FOXA3: variants seen among roughly 807,000 people sequenced by gnomAD.
FOXA3 encodes the protein forkhead box A3.
FOXA3 carries 11 observed loss-of-function variants against 16.9 expected under a neutral mutation model. The ratio of observed to expected loss-of-function variants is 0.65; its 90% confidence interval spans 0.41 to 1.08. The LOEUF is 1.08. Among genes scored for constraint, FOXA3 ranks in the 50% least tolerant of loss-of-function variants. The pLI is 0.00. For synonymous variants in FOXA3, 217 were observed against 203.3 expected, an observed-to-expected ratio of 1.07 and a Z score of -0.57; for missense variants, 423 against 470.1, an observed-to-expected ratio of 0.90 and a Z score of 0.93.
chr19:45,864,724 C>G (rs779930021), intron 1 of FOXA3, among the ~76,000 whole-genome samples, 199 bp downstream of exon 1: 1 of 152,090 alleles, frequency 6.6e-6, no homozygotes, highest in African/African-American at 2.4e-5. Context: ...TTTGGGCAGC[C>G]TCGCCGCGGC....
chr19:45,864,611 C>A, intron 1 of FOXA3, 86 bp downstream of exon 1: 3 of 1,125,268 alleles, frequency 2.7e-6, no homozygotes, highest in Admixed American at 3.4e-5. Flanking sequence ...GTTGTGGGTT[C>A]AAATGGAGGC....
chr19:45,868,146 T>C (rs1167186484), intron 1 of FOXA3, among the ~76,000 whole-genome samples: 11 of 151,868 alleles, frequency 7.2e-5, no homozygotes, highest in Non-Finnish European at 1.0e-4. Context: ...AAGAGTTCCT[T>C]GGAGAGACAT....
intron 1 of FOXA3, 49 bp downstream of exon 1, chr19:45,864,574 G>C (rs374426074): frequency 5.6e-6 from 8 of 1,437,462 alleles, no homozygotes; most frequent in Non-Finnish European, 6.5e-6. Flanking sequence ...AGGTATCGGG[G>C]TGTGGGCTCA....
chr19:45,871,619 A>G (rs945082509), intron 1 of FOXA3, among the ~76,000 whole-genome samples: 6 of 151,056 alleles, frequency 4.0e-5, no homozygotes, highest in Non-Finnish European at 7.4e-5. Flanking sequence ...CTGTAATCCC[A>G]GCTGCTCTGG....
rs1265780159 is a variant in FOXA3, at chr19:45,872,311, G to A, written c.306G>A (p.Gly102=). 6.2e-7 allele frequency: 1 copy of A among 1,613,996 alleles called. No homozygotes were observed. The highest frequency in any genetic ancestry group is 1.3e-5 in the African/African-American group (1 of 74,938). The part of the protein sequence containing the change: ...YGAPGPGLVH[G]KEMPKGYRRP... ...CCCCGGGTCCTGGGCTGGTGCACGG[G>A]AAGGAGATGCCGAAGGGGTATCGGC... is the stretch of plus-strand genomic sequence containing the variant. Residue 102 remains glycine (G), a synonymous_variant, in exon 2 of 2, where the codon GGG becomes GGA. Transcript: ENST00000302177. This position sits in a 1 kb window ranked among gnomAD's most constrained non-coding sequence, Gnocchi z 4.5.
Position 45,872,991 on chromosome 19 carries a change from C to T in FOXA3, c.986C>T (p.Ala329Val). ...GACGTGGGGTTTGGGGGCTACGGGGCTGAAGGTGGGGAGCCTGGAGTCTAC... is the reference window on the plus strand; with the variant it reads ...GACGTGGGGTTTGGGGGCTACGGGGTTGAAGGTGGGGAGCCTGGAGTCTAC... ...KLDVGFGGYGAEGGEPGVYYQ... is the reference protein window; with the variant it reads ...KLDVGFGGYGVEGGEPGVYYQ... The change falls in exon 2 of 2, where the codon GCT becomes GTT. Residue 329 changes from alanine (A) to valine (V), a missense_variant. Ala to Val is a moderately conservative substitution (Grantham distance 64). This residue lies in a region of FOXA3 where 168 missense variants were observed against 179.3 expected (regional missense o/e 0.94). Transcript: ENST00000302177. The surrounding 1 kb of genome is among the most constrained non-coding windows in gnomAD (Gnocchi z 4.5). 6.2e-7 allele frequency: 1 copy of T among 1,613,570 alleles called. No homozygotes were observed. Among genetic ancestry groups the T allele is most frequent in the South Asian group, 1.1e-5 (1 of 90,948 alleles).
intron 1 of FOXA3, among the ~76,000 whole-genome samples, chr19:45,869,727 A>C (rs1199691976): frequency 1.3e-5 from 2 of 152,210 alleles, no homozygotes; most frequent in African/African-American, 4.8e-5. Flanking sequence ...TATTAGGTTG[A>C]AAAGTGATTT....
At chr19:45,870,462 C>T (rs888181793) in intron 1 of FOXA3, among the ~76,000 whole-genome samples, 3 of 151,714 alleles carry the variant, frequency 2.0e-5, no homozygotes, top group African/African-American at 7.3e-5. Flanking sequence ...TGTGAGCCAC[C>T]GTGCCCGGCC....
intron 1 of FOXA3, among the ~76,000 whole-genome samples, chr19:45,868,221 A>G (rs1972104195): frequency 6.6e-6 from 1 of 151,772 alleles, no homozygotes; most frequent in Non-Finnish European, 1.5e-5. Context: ...GGTTGCCTCC[A>G]CTCTCTGATT....
chr19:45,864,573 G>T (rs536220649), intron 1 of FOXA3, 48 bp downstream of exon 1: 4 of 1,440,862 alleles, frequency 2.8e-6, no homozygotes, highest in Non-Finnish European at 3.7e-6. Flanking sequence ...CAGGTATCGG[G>T]GTGTGGGCTC....
chr19:45,866,165 A>T (rs889762518), intron 1 of FOXA3, among the ~76,000 whole-genome samples: 2 of 152,100 alleles, frequency 1.3e-5, no homozygotes, highest in African/African-American at 4.8e-5. Flanking sequence ...TAATCCCAGC[A>T]CTTTGGGAGG....
In FOXA3 at chr19:45,872,392, C is replaced by A. The variant is rs1426720148; in HGVS notation, c.387C>A (p.Ala129=). Residue 129 remains alanine (A), a synonymous_variant, in exon 2 of 2, where the codon GCC becomes GCA. Transcript: ENST00000302177. The surrounding 1 kb of genome is among the most constrained non-coding windows in gnomAD (Gnocchi z 4.5). ...PYSYISLITM[A]IQQAPGKMLT... is the part of the protein sequence containing the mutation. ...CCTATATCTCACTCATCACCATGGC[C>A]ATCCAGCAGGCGCCGGGCAAGATGC... 6.2e-7 allele frequency: 1 copy of A among 1,614,248 alleles called. No homozygotes were observed. The highest frequency in any genetic ancestry group is 1.1e-5 in the South Asian group (1 of 91,090).
intron 1 of FOXA3, among the ~76,000 whole-genome samples, chr19:45,866,961 G>A (rs1357058108): frequency 1.3e-5 from 2 of 152,156 alleles, no homozygotes; most frequent in Non-Finnish European, 2.9e-5. Context: ...GTGGGGGTGC[G>A]GGTCCCCCAA....
At chr19:45,871,292 C>G (rs997300609) in intron 1 of FOXA3, among the ~76,000 whole-genome samples, 1 of 151,960 alleles carries the variant, frequency 6.6e-6, no homozygotes, top group Non-Finnish European at 1.5e-5. Context: ...CTGTTTTTTT[C>G]CATTTTTGCA....
intron 1 of FOXA3, among the ~76,000 whole-genome samples, chr19:45,867,711 C>T (rs1023954943): frequency 3.2e-4 from 43 of 134,838 alleles, no homozygotes; most frequent in Non-Finnish European, 6.0e-4. Flanking sequence ...ACCCAGGAGG[C>T]GGAGGTTGCA....
At chr19:45,870,694 C>T (rs1034790327) in intron 1 of FOXA3, among the ~76,000 whole-genome samples, 2 of 151,920 alleles carry the variant, frequency 1.3e-5, no homozygotes, top group South Asian at 4.2e-4. Flanking sequence ...CTCAACCTCC[C>T]GAGTAGCTGG....
intron 1 of FOXA3, among the ~76,000 whole-genome samples, chr19:45,867,405 G>A (rs1034100477): frequency 6.9e-6 from 1 of 145,334 alleles, no homozygotes; most frequent in Admixed American, 7.0e-5. Context: ...TGGATTTGTT[G>A]AAGGGAGGGA....
At chr19:45,869,799 T>A (rs558233255) in intron 1 of FOXA3, among the ~76,000 whole-genome samples, 52 of 152,228 alleles carry the variant, frequency 3.4e-4, no homozygotes, top group South Asian at 6.2e-4. Context: ...TTATTTTTTT[T>A]TTTTGAGACA....
At position 45,864,442 on chromosome 19, in the gene FOXA3, G is replaced by T. The variant is rs778266061; in HGVS notation, c.-15G>T. On this transcript the variant is annotated 5_prime_UTR_variant, in exon 1 of 2. Coordinates refer to ENST00000302177, the MANE Select transcript of FOXA3 (RefSeq NM_004497.3). ...GGGGCCGGAGCGGGGGCGGGTGGGG[G>T]CGTAAGCCCGGGGGATGCTGGGCTC... The T allele has an allele frequency of 7.0e-7, 1 of 1,437,796 alleles. No individual in the cohort carries two copies. Among genetic ancestry groups the T allele is most frequent in the Non-Finnish European group, 9.2e-7 (1 of 1,082,588 alleles). 89.1% of individuals were successfully genotyped at this position (1,437,796 alleles called of 1,614,324 possible).
Sources: allele counts gnomAD v4.1 joint callset (sites outside exome capture counted in the v4.1 genomes callset), GRCh38; gene constraint gnomAD v4.1.1; regional missense constraint gnomAD v4.1.1; non-coding constraint Gnocchi (gnomAD v3.1); transcripts MANE v1.5; gene names NCBI Gene and HGNC (gene_info 2026-07-23, HGNC 2026-07-21).